Variants in BBS9 observed in about 807,000 individuals in gnomAD.
The protein encoded by BBS9 is protein PTHB1.
A neutral mutation model predicts 117.7 loss-of-function variants in BBS9; 89 were observed. The observed-to-expected ratio is 0.76, with a 90% CI of 0.64 to 0.90. BBS9 has a LOEUF of 0.90. BBS9 is among the 40% of genes least tolerant of loss of function. The probability of loss-of-function intolerance (pLI) is 0.00; values close to 1 mark genes in which losing one functional copy is unlikely to be tolerated. For synonymous variants in BBS9, 379 were observed against 370.9 expected (o/e 1.02, Z -0.25); for missense variants, 982 against 1,042.2 (o/e 0.94, Z 0.80).
At chr7:33,451,585 T>A (rs554880612) in intron 19 of BBS9, among the ~76,000 whole-genome samples, 1 of 152,316 alleles carries the variant, frequency 6.6e-6, no homozygotes, top group East Asian at 1.9e-4. Context: ...CCATACTGTT[T>A]TAATTACTGC....
At position 33,620,576 on chromosome 7, in the gene BBS9, G is replaced by A. The variant is rs1430854863; in HGVS notation, c.2522-14601G>A. 4.6e-5 allele frequency among the ~76,000 whole-genome samples: 7 copies of A among 151,470 alleles called. No individual in the cohort carries two copies. In the East Asian group the frequency reaches 1.4e-3, roughly 29 times the overall value. ...TATACACTGAAAACTATAAAGCATT[G>A]ATGAAAAAAAAGGAAAAAAACACAA... is the stretch of plus-strand genomic sequence containing the variant. On this transcript the variant is annotated intron_variant, in intron 21 of 21. Coordinates refer to the BBS9 transcript ENST00000671952.
intron 9 of BBS9, among the ~76,000 whole-genome samples, chr7:33,288,575 C>T (rs1441044488): frequency 6.6e-6 from 1 of 152,132 alleles, no homozygotes; most frequent in Non-Finnish European, 1.5e-5. Flanking sequence ...AGACTTATTA[C>T]CCTTTTTCCT....
chr7:33,416,784 A>G (rs1208278998), intron 19 of BBS9, among the ~76,000 whole-genome samples: 1 of 152,198 alleles, frequency 6.6e-6, no homozygotes, highest in Non-Finnish European at 1.5e-5. Flanking sequence ...ATTCGAAGTC[A>G]CATGGAGGCA....
chr7:33,482,569 T>C (rs758624546), intron 19 of BBS9, among the ~76,000 whole-genome samples: 8 of 152,160 alleles, frequency 5.3e-5, no homozygotes, highest in Non-Finnish European at 1.2e-4. Context: ...TTGTAGAGCT[T>C]CTAATTATGC....
At chr7:33,478,180 T>C (rs551792753) in intron 19 of BBS9, among the ~76,000 whole-genome samples, 11 of 152,262 alleles carry the variant, frequency 7.2e-5, no homozygotes, top group Middle Eastern at 3.4e-3. Flanking sequence ...TTGTGAACCT[T>C]TTTTTGAGGT....
At chr7:33,624,633 A>G (rs1562540771) in intron 21 of BBS9, among the ~76,000 whole-genome samples, 1 of 152,242 alleles carries the variant, frequency 6.6e-6, no homozygotes, top group African/African-American at 2.4e-5. Context: ...TATCAGCTTC[A>G]TGAGTAACAA....
At chr7:33,259,078 T>G (rs1034150454) in intron 6 of BBS9, among the ~76,000 whole-genome samples, 3 of 152,220 alleles carry the variant, frequency 2.0e-5, no homozygotes. Context: ...ATATATGCTT[T>G]CAACTTTAAT....
intron 5 of BBS9, among the ~76,000 whole-genome samples, chr7:33,197,140 A>G (rs73319418): frequency 6.6e-6 from 1 of 152,276 alleles, no homozygotes; most frequent in African/African-American, 2.4e-5. Flanking sequence ...TGGTAGCTAA[A>G]TGCCAAGACT....
intron 20 of BBS9, among the ~76,000 whole-genome samples, chr7:33,515,244 G>A (rs1482894067): frequency 6.6e-6 from 1 of 152,136 alleles, no homozygotes; most frequent in East Asian, 1.9e-4. Flanking sequence ...CATTACTCTT[G>A]TGCCTGAATA....
intron 5 of BBS9, among the ~76,000 whole-genome samples, chr7:33,235,008 G>C (rs888155560): frequency 6.6e-6 from 1 of 151,992 alleles, no homozygotes; most frequent in Non-Finnish European, 1.5e-5. Flanking sequence ...TTTAATATGT[G>C]ACAAGTATAT....
downstream of BBS9, chr7:33,606,180 T>C (rs1864550910): frequency 6.6e-6 from 1 of 152,212 alleles, no homozygotes; most frequent in Admixed American, 6.5e-5. Context: ...CATCCTCTTT[T>C]AGGAGATGCA....
intron 19 of BBS9, among the ~76,000 whole-genome samples, chr7:33,451,890 G>A (rs541453748): frequency 1.3e-5 from 2 of 152,194 alleles, no homozygotes; most frequent in East Asian, 3.9e-4. Flanking sequence ...CTGGAGTGCA[G>A]TTGTGTGGTC....
chr7:33,524,718 T>G (rs910278861), intron 20 of BBS9, among the ~76,000 whole-genome samples: 1 of 152,216 alleles, frequency 6.6e-6, no homozygotes, highest in Non-Finnish European at 1.5e-5. Flanking sequence ...ATTCATTGAT[T>G]TTTTGAAGGG....
chr7:33,635,470 C>CA (rs1866099768), exon 22 of BBS9, among the ~76,000 whole-genome samples: 1 of 152,228 alleles, frequency 6.6e-6, no homozygotes, highest in South Asian at 2.1e-4. Flanking sequence ...ACCAGCCCCC[C>CA]AAGGCCCTGG....
At chr7:33,433,955 G>A (rs950321231) in intron 19 of BBS9, among the ~76,000 whole-genome samples, 5 of 151,902 alleles carry the variant, frequency 3.3e-5, no homozygotes, top group African/African-American at 1.2e-4. Flanking sequence ...TGTATATGCA[G>A]TTTTGAATAC....
chr7:33,506,839 T>C (rs1846215713), intron 20 of BBS9, among the ~76,000 whole-genome samples: 1 of 152,178 alleles, frequency 6.6e-6, no homozygotes, highest in Non-Finnish European at 1.5e-5. Context: ...ATTGACAAAA[T>C]TGCGACTAAA....
intron 21 of BBS9, among the ~76,000 whole-genome samples, chr7:33,580,536 C>T (rs1859705666): frequency 6.6e-6 from 1 of 152,012 alleles, no homozygotes; most frequent in East Asian, 1.9e-4. Flanking sequence ...CAAGAAAAGA[C>T]TTTGTTTTTC....
intron 21 of BBS9, among the ~76,000 whole-genome samples, chr7:33,589,167 T>C (rs1861454357): frequency 1.3e-5 from 2 of 152,074 alleles, no homozygotes; most frequent in South Asian, 2.1e-4. Flanking sequence ...GTTCTGAGAC[T>C]CCCAGTGGTT....
chr7:33,561,496 G>A (rs961407593), intron 21 of BBS9, among the ~76,000 whole-genome samples: 8 of 152,142 alleles, frequency 5.3e-5, no homozygotes, highest in African/African-American at 9.7e-5. Flanking sequence ...TGACAGAAAC[G>A]ATAAATTCCC....
Sources: gnomAD v4.1 joint callset for allele counts (sites outside exome capture counted in the v4.1 genomes callset) on GRCh38, gnomAD v4.1.1 for gene constraint, MANE v1.5 for transcripts, NCBI Gene and HGNC (gene_info 2026-07-23, HGNC 2026-07-21) for gene names.